Variants in FAT1 observed in about 807,000 individuals in gnomAD.
FAT1 encodes the protein protocadherin Fat 1.
A neutral mutation model predicts 329.8 loss-of-function variants in FAT1; 171 were observed. The ratio of observed to expected loss-of-function variants is 0.52; its 90% CI spans 0.46 to 0.59. FAT1 has a LOEUF of 0.59. Ranked by LOEUF, FAT1 falls within the 20% of genes least tolerant of loss-of-function variation. The pLI is 0.00. For missense variants in FAT1, 5,672 were observed against 5,774.4 expected (o/e 0.98, Z 0.57); for synonymous variants, 2,233 against 2,228.6 (o/e 1.00, Z -0.06).
chr4:186,704,778 T>C (rs1230669181), intron 2 of FAT1, among the ~76,000 whole-genome samples: 2 of 152,208 alleles, frequency 1.3e-5, no homozygotes, highest in Non-Finnish European at 2.9e-5. Context: ...ATGCTGTTGA[T>C]TATGCTAGTT....
At chr4:186,682,786 C>T (rs1579442306) in intron 2 of FAT1, among the ~76,000 whole-genome samples, 1 of 152,176 alleles carries the variant, frequency 6.6e-6, no homozygotes, top group South Asian at 2.1e-4. Context: ...TCCTTCTTTT[C>T]TCCATGTCAT....
Position 186,620,459 on chromosome 4 carries a change from G to C in FAT1, c.6127C>G (p.Gln2043Glu), listed in dbSNP as rs1240122583. 1 of 1,613,892 alleles carries C rather than the reference G, an allele frequency of 6.2e-7. No homozygotes were observed. Among genetic ancestry groups the C allele is most frequent in the Non-Finnish European group, 8.5e-7 (1 of 1,179,914 alleles). Residue 2043 changes from glutamine (Q) to glutamate (E), a missense_variant, in exon 10 of 27, where the codon CAG (glutamine) becomes GAG (glutamate). By Grantham distance (29) the Gln-to-Glu change is conservative. Around this residue, in one of 2 missense-constraint regions of FAT1, gnomAD observed 3,966 missense variants for 3,915.2 expected, o/e 1.01. Coordinates refer to ENST00000441802, the MANE Select transcript of FAT1 (RefSeq NM_005245.4). Reference sequence around the variant, plus strand: ...ACAACCACATCAAACGCCTCCTGCTGCTCACGATCGAAGGGCGTGCCAGTG... The same window carrying C: ...ACAACCACATCAAACGCCTCCTGCTCCTCACGATCGAAGGGCGTGCCAGTG... ...STTGTPFDRE[Q>E]QEAFDVVVEV...
At chr4:186,716,021 A>C (rs1395577277) in intron 1 of FAT1, among the ~76,000 whole-genome samples, 1 of 152,106 alleles carries the variant, frequency 6.6e-6, no homozygotes, top group Non-Finnish European at 1.5e-5. Flanking sequence ...TGAAAACCTA[A>C]CTGCATATAT....
At chr4:186,715,850 G>A (rs750111713) in intron 1 of FAT1, among the ~76,000 whole-genome samples, 1 of 152,172 alleles carries the variant, frequency 6.6e-6, no homozygotes, top group Non-Finnish European at 1.5e-5. Flanking sequence ...CTTTAGCATA[G>A]ATCTCTGAAA....
rs775720945 is a variant in FAT1 at position 186,628,323 on chromosome 4, C to T, written c.4641G>A (p.Arg1547=). The change falls in exon 9 of 27, where the codon AGG becomes AGA. Residue 1547 remains arginine (R), a synonymous_variant. Coordinates refer to ENST00000441802, the MANE Select transcript of FAT1 (RefSeq NM_005245.4). ...TCGTGTCGCTGACATTGACCACAAT[C>T]CTTGCAAAGTTGCGTTTTACAGGCA... The part of the protein sequence containing the change: ...QDVPVKRNFA[R]IVVNVSDTND... The T allele has an allele frequency of 6.2e-7, 1 of 1,613,368 alleles. No homozygotes were observed. The highest frequency in any genetic ancestry group is 1.7e-5 in the Admixed American group (1 of 59,902).
chr4:186,665,053 A>T (rs866246378), intron 2 of FAT1, among the ~76,000 whole-genome samples: 3 of 152,328 alleles, frequency 2.0e-5, no homozygotes, highest in South Asian at 4.1e-4. Flanking sequence ...TCCCAAAAGG[A>T]CTCACAACTT....
intron 2 of FAT1, among the ~76,000 whole-genome samples, chr4:186,672,121 G>A (rs989829874): frequency 6.6e-6 from 1 of 152,048 alleles, no homozygotes; most frequent in Non-Finnish European, 1.5e-5. Context: ...AAAGACCAAT[G>A]TTTAATGGTT....
chr4:186,628,368 A>G lies in FAT1; in HGVS notation c.4600-4T>C. 1 of 1,611,940 alleles carries G rather than the reference A, an allele frequency of 6.2e-7. No individual in the cohort carries two copies. The highest frequency in any genetic ancestry group is 8.5e-7 in the Non-Finnish European group (1 of 1,178,678). ...CAGGCACATCTTGATCTCGTACCTAAAAAGAATTGACACATTATCAATCCC... is the reference window on the plus strand; with the variant it reads ...CAGGCACATCTTGATCTCGTACCTAGAAAGAATTGACACATTATCAATCCC... On this transcript the variant is annotated splice_polypyrimidine_tract_variant and splice_region_variant and intron_variant, in intron 8 of 26. Transcript: ENST00000441802.
chr4:186,643,179 G>C (rs1295906935), intron 3 of FAT1, among the ~76,000 whole-genome samples: 3 of 152,082 alleles, frequency 2.0e-5, no homozygotes, highest in Non-Finnish European at 4.4e-5. Context: ...CAGCCCCCAG[G>C]GGCCGGTGAC....
Position 186,708,380 on chromosome 4 carries a change from A to G in FAT1, c.1448T>C (p.Met483Thr), listed in dbSNP as rs1157439710. ...ATCAGGGTCTACGGCACTCAGGCTC[A>G]TGACAGTAGTACCAATGGGCACGTT... is the stretch of plus-strand genomic sequence containing the variant. Reference protein sequence around the residue: ...DENVPIGTTVMSLSAVDPDEG... With the variant: ...DENVPIGTTVTSLSAVDPDEG... Residue 483 changes from methionine (M) to threonine (T), a missense_variant, in exon 2 of 27, where the codon ATG becomes ACG. Around this residue, in one of 2 missense-constraint regions of FAT1, gnomAD observed 3,966 missense variants for 3,915.2 expected, o/e 1.01. Transcript: ENST00000441802. 1.1e-5 allele frequency: 17 copies of G among 1,613,944 alleles called. No individual in the cohort carries two copies. Among genetic ancestry groups the G allele is most frequent in the Middle Eastern group, 1.6e-4 (1 of 6,062 alleles).
intron 14 of FAT1, 195 bp from the exon 15 acceptor site, chr4:186,610,210 T>C: frequency 1.8e-6 from 1 of 564,082 alleles, no homozygotes; most frequent in Non-Finnish European, 3.1e-6. Context: ...TCTTTATTTC[T>C]CTTAATTTTC....
Position 186,588,735 on chromosome 4 carries a change from A to T in FAT1, c.13624T>A (p.Ser4542Thr), listed in dbSNP as rs2126349060. 1.2e-6 allele frequency: 2 copies of T among 1,613,934 alleles called. No homozygotes were observed. Among genetic ancestry groups the T allele is most frequent in the Non-Finnish European group, 1.7e-6 (2 of 1,179,866 alleles). ...VESMPMSVYASTASCSDVSAC... is the reference protein window; with the variant it reads ...VESMPMSVYATTASCSDVSAC... ...GACACGTCAGAGCAGGAGGCGGTGGAGGCGTACACAGACATGGGCATGCTC... is the reference window on the plus strand; with the variant it reads ...GACACGTCAGAGCAGGAGGCGGTGGTGGCGTACACAGACATGGGCATGCTC... The change falls in exon 27 of 27, where the codon TCC (serine) becomes ACC (threonine). Residue 4542 changes from serine (S) to threonine (T), a missense_variant. Physicochemically the swap from Ser to Thr is moderately conservative, Grantham distance 58. Coordinates refer to ENST00000441802, the MANE Select transcript of FAT1 (RefSeq NM_005245.4).
At chr4:186,633,458 T>A (rs1035625352) in intron 7 of FAT1, among the ~76,000 whole-genome samples, 1 of 152,198 alleles carries the variant, frequency 6.6e-6, no homozygotes, top group Non-Finnish European at 1.5e-5. Context: ...GTTTTTGAAG[T>A]CTTCTCTCAA....
rs201960217 is a variant in FAT1 at position 186,617,085 on chromosome 4, T to C, written c.8995A>G (p.Thr2999Ala). ...RDNYLLTITA[T>A]DGTFSSKAIV... is the part of the protein sequence containing the mutation. ...GCTTTTGATGAGAAGGTGCCATCAG[T>C]TGCCGTGATAGTAAGAAGGTAATTG... The change falls in exon 11 of 27, where the codon ACT becomes GCT. Residue 2999 changes from threonine to alanine, a missense_variant. Transcript: ENST00000441802. The C allele has an allele frequency of 1.7e-4, 278 of 1,614,020 alleles. No individual in the cohort carries two copies. The African/African-American group carries it at 3.5e-3, about 20-fold the overall frequency.
Position 186,707,260 on chromosome 4 carries a change from G to A in FAT1, c.2568C>T (p.His856=), listed in dbSNP as rs559124061. The A allele has an allele frequency of 3.5e-5, 57 of 1,613,956 alleles. No individual in the cohort carries two copies. Among genetic ancestry groups the A allele is most frequent in the South Asian group, 2.3e-4 (21 of 91,074 alleles). Residue 856 remains histidine, a synonymous_variant, in exon 2 of 27, where the codon CAC becomes CAT. Coordinates refer to ENST00000441802, the MANE Select transcript of FAT1 (RefSeq NM_005245.4). The part of the protein sequence containing the change: ...ATDKDLGPNG[H]VTYSIVTDTD... ...TGTCTGTAACAATTGAGTACGTCACGTGTCCGTTGGGCCCCAGGTCTTTAT... is the reference window on the plus strand; with the variant it reads ...TGTCTGTAACAATTGAGTACGTCACATGTCCGTTGGGCCCCAGGTCTTTAT...
chr4:186,670,319 T>C (rs1249721533), intron 2 of FAT1, among the ~76,000 whole-genome samples: 1 of 152,254 alleles, frequency 6.6e-6, no homozygotes, highest in Non-Finnish European at 1.5e-5. Flanking sequence ...TATTAAAAGC[T>C]GCTTTGTTCA....
intron 5 of FAT1, 132 bp downstream of exon 5, chr4:186,636,453 C>G: frequency 9.9e-7 from 1 of 1,005,412 alleles, no homozygotes; most frequent in Non-Finnish European, 1.5e-6. Context: ...TCCGGCATTG[C>G]CTAATGGGGC....
upstream of FAT1, among the ~76,000 whole-genome samples, chr4:186,724,167 G>A (rs1745621481): frequency 7.9e-6 from 1 of 127,010 alleles, no homozygotes; most frequent in Admixed American, 8.0e-5. The surrounding 1 kb of genome is among the most constrained non-coding windows in gnomAD (Gnocchi z 5.3). Flanking sequence ...CCAAGAAAGG[G>A]AAACGTTAGC....
chr4:186,659,290 A>T (rs1028063691), intron 3 of FAT1, among the ~76,000 whole-genome samples: 7 of 152,180 alleles, frequency 4.6e-5, no homozygotes, highest in African/African-American at 1.4e-4. Context: ...ACGTTTCTCA[A>T]AATGCATCCC....
Sources: allele counts gnomAD v4.1 joint callset (sites outside exome capture counted in the v4.1 genomes callset), GRCh38; gene constraint gnomAD v4.1.1; regional missense constraint gnomAD v4.1.1; non-coding constraint Gnocchi (gnomAD v3.1); transcripts MANE v1.5; gene names NCBI Gene and HGNC (gene_info 2026-07-23, HGNC 2026-07-21).